NLGN1: variants seen among roughly 807,000 people sequenced by gnomAD.
NLGN1 encodes neuroligin-1.
Under a neutral mutation model 65.5 loss-of-function variants are expected in NLGN1, and 12 were observed. That is an observed-to-expected ratio of 0.18 (90% CI 0.12 to 0.30). The LOEUF is 0.30. Among genes scored for constraint, NLGN1 ranks in the 10% least tolerant of loss-of-function variants. NLGN1 has a pLI of 1.00. For missense variants in NLGN1, 750 were observed against 1,007.1 expected, an observed-to-expected ratio of 0.74 and a Z score of 3.46; for synonymous variants, 350 against 359.5, an observed-to-expected ratio of 0.97 and a Z score of 0.30.
At chr3:173,635,420 C>T (rs554825234) in intron 3 of NLGN1, among the ~76,000 whole-genome samples, 73 of 152,076 alleles carry the variant, frequency 4.8e-4, no homozygotes, top group African/African-American at 1.7e-3. Context: ...ACAGTTGAGC[C>T]GTATCTCTAT....
chr3:174,167,062 G>A (rs1727633001), intron 4 of NLGN1, among the ~76,000 whole-genome samples: 1 of 151,882 alleles, frequency 6.6e-6, no homozygotes, highest in African/African-American at 2.4e-5. Flanking sequence ...TTTACATTGA[G>A]TCCAGGGGTT....
chr3:173,574,535 G>A (rs1352347460), intron 2 of NLGN1, among the ~76,000 whole-genome samples: 1 of 151,990 alleles, frequency 6.6e-6, no homozygotes, highest in East Asian at 1.9e-4. Flanking sequence ...AACAGTTGAT[G>A]GTTTTAAATA....
At chr3:173,744,975 G>A (rs1333491860) in intron 3 of NLGN1, among the ~76,000 whole-genome samples, 4 of 151,972 alleles carry the variant, frequency 2.6e-5, no homozygotes, top group Non-Finnish European at 2.9e-5. Context: ...TTAATAGACC[G>A]CCTATCTTTC....
intron 2 of NLGN1, among the ~76,000 whole-genome samples, chr3:173,569,920 TTTC>T (rs1181746146): frequency 6.6e-5 from 10 of 152,250 alleles, no homozygotes; most frequent in South Asian, 4.1e-4. Context: ...CATTCATGCA[TTTC>T]TTCTTCTACA....
At chr3:173,490,103 G>T (rs1231320132) in intron 2 of NLGN1, among the ~76,000 whole-genome samples, 2 of 152,130 alleles carry the variant, frequency 1.3e-5, no homozygotes, top group African/African-American at 2.4e-5. Context: ...GATCCCACTT[G>T]TCAATTTTGT....
At chr3:173,542,646 G>T (rs946930942) in intron 2 of NLGN1, among the ~76,000 whole-genome samples, 6 of 151,868 alleles carry the variant, frequency 4.0e-5, no homozygotes, top group African/African-American at 1.2e-4. Context: ...GTTTTGTTTT[G>T]TTTCTTTTAA....
chr3:174,239,376 C>T (rs1742372079), intron 4 of NLGN1, among the ~76,000 whole-genome samples: 2 of 152,044 alleles, frequency 1.3e-5, no homozygotes, highest in South Asian at 2.1e-4. Flanking sequence ...GCCTATATTG[C>T]CTAATTCTAA....
intron 4 of NLGN1, among the ~76,000 whole-genome samples, chr3:173,969,746 T>C (rs963775630): frequency 6.6e-6 from 1 of 152,152 alleles, no homozygotes; most frequent in Non-Finnish European, 1.5e-5. Context: ...CTTACATTTA[T>C]TATGAAAATC....
chr3:173,730,412 G>C (rs1040381501), intron 3 of NLGN1, among the ~76,000 whole-genome samples: 1 of 145,308 alleles, frequency 6.9e-6, no homozygotes, highest in Non-Finnish European at 1.5e-5. Context: ...TAAAAGAAAA[G>C]AAATAGGTAA....
intron 3 of NLGN1, among the ~76,000 whole-genome samples, chr3:173,795,136 G>A (rs1033402478): frequency 6.6e-6 from 1 of 151,960 alleles, no homozygotes; most frequent in Non-Finnish European, 1.5e-5. Context: ...GTACATAGGA[G>A]CCATTAGCCT....
intron 3 of NLGN1, among the ~76,000 whole-genome samples, chr3:173,697,162 A>T (rs566444789): frequency 5.9e-5 from 9 of 152,324 alleles, no homozygotes; most frequent in African/African-American, 1.2e-4. Context: ...ACTCACTAAC[A>T]TATAGATACA....
At chr3:173,878,154 G>A (rs2150908040) in intron 4 of NLGN1, among the ~76,000 whole-genome samples, 1 of 152,036 alleles carries the variant, frequency 6.6e-6, no homozygotes, top group South Asian at 2.1e-4. Context: ...CGATTCTCCT[G>A]CCTCAGCCTC....
intron 4 of NLGN1, among the ~76,000 whole-genome samples, chr3:174,155,793 G>A (rs1217093000): frequency 1.3e-5 from 2 of 151,844 alleles, no homozygotes; most frequent in East Asian, 1.9e-4. Flanking sequence ...ATATGCTAAC[G>A]TTATTTTTTT....
rs184517081 is a variant in NLGN1 at position 174,244,913 on chromosome 3, T to C, written c.647-30402T>C. ...GAAGTGCACCAATGTGAAATTGCCA[T>C]AGATGTCGCAGGAATGATTCTAGCC... is the stretch of plus-strand genomic sequence containing the variant. On this transcript the variant is annotated intron_variant, in intron 4 of 6. Transcript: ENST00000457714. Among the ~76,000 whole-genome samples the C allele has an allele frequency of 1.2e-4, 19 of 152,328 alleles. 1 individual carries two copies. Among genetic ancestry groups the C allele is most frequent in the Admixed American group, 1.1e-3 (17 of 15,306 alleles).
At chr3:174,163,399 A>G (rs7619797) in intron 4 of NLGN1, among the ~76,000 whole-genome samples, 26,344 of 151,800 alleles carry the variant, frequency 0.17, 4,807 homozygotes, top group African/African-American at 0.46. Context: ...ACCTTGAAGG[A>G]TTTTTTTAGT....
At chr3:173,511,152 ATTCC>A (rs1732891696) in intron 2 of NLGN1, among the ~76,000 whole-genome samples, 1 of 152,330 alleles carries the variant, frequency 6.6e-6, no homozygotes, top group East Asian at 1.9e-4. Context: ...AAGCCCAGCT[ATTCC>A]TTTAGACCAG....
chr3:173,604,831 T>C (rs1751117226), exon 3 of NLGN1: 2 of 1,613,732 alleles, frequency 1.2e-6, no homozygotes, highest in Non-Finnish European at 8.5e-7. Flanking sequence ...GGGCCTGTTA[T>C]TCAATTTCTT....
At chr3:173,712,811 AAGAT>A (rs1328638368) in intron 3 of NLGN1, among the ~76,000 whole-genome samples, 1 of 147,934 alleles carries the variant, frequency 6.8e-6, no homozygotes, top group Non-Finnish European at 1.5e-5. Context: ...TGATTTTTTA[AAGAT>A]AAAAAAATAT....
chr3:174,228,067 T>G (rs1577459007), intron 4 of NLGN1, among the ~76,000 whole-genome samples: 1 of 152,172 alleles, frequency 6.6e-6, no homozygotes, highest in African/African-American at 2.4e-5. Context: ...TGTGTTTTTC[T>G]CTCTCCATTT....
Sources: gnomAD v4.1 joint callset for allele counts (sites outside exome capture counted in the v4.1 genomes callset) on GRCh38, gnomAD v4.1.1 for gene constraint, MANE v1.5 for transcripts, NCBI Gene and HGNC (gene_info 2026-07-23, HGNC 2026-07-21) for gene names.